The following UPP2 variants were observed in gnomAD, a reference collection of about 807,000 sequenced individuals.
The protein encoded by UPP2 is uridine phosphorylase 2, also known as UPase 2.
In UPP2, 23 loss-of-function variants were observed where a neutral mutation model predicts 26.7. That is an observed-to-expected ratio of 0.86 (90% CI 0.62 to 1.22). The LOEUF (loss-of-function observed/expected upper bound fraction) is 1.22, where lower values mean the gene tolerates loss of function less well. Among genes scored for constraint, UPP2 ranks in the 50% most tolerant of loss-of-function variants. UPP2 has a pLI of 0.00. For missense variants in UPP2, 387 were observed against 396.7 expected, an observed-to-expected ratio of 0.98 and a Z score of 0.21; for synonymous variants, 127 against 141.3, an observed-to-expected ratio of 0.90 and a Z score of 0.72.
intron 6 of UPP2, among the ~76,000 whole-genome samples, chr2:158,133,551 T>C (rs1035070309): frequency 3.9e-5 from 6 of 152,206 alleles, no homozygotes; most frequent in Admixed American, 2.6e-4. Context: ...TAAGAGATGA[T>C]AGATATGTGA....
intron 2 of UPP2, among the ~76,000 whole-genome samples, chr2:158,009,053 C>T (rs544703604): frequency 6.6e-6 from 1 of 152,124 alleles, no homozygotes; most frequent in East Asian, 1.9e-4. Flanking sequence ...ATGATGGTCT[C>T]CTGAAATGCT....
intron 3 of UPP2, among the ~76,000 whole-genome samples, chr2:158,038,621 G>T (rs1366496356): frequency 6.6e-6 from 1 of 152,216 alleles, no homozygotes; most frequent in Non-Finnish European, 1.5e-5. Context: ...TGCAGAGAAA[G>T]AAAAGAGTTT....
At chr2:158,101,871 A>G, upstream of UPP2, 1 of 1,344,104 alleles carries the variant, frequency 7.4e-7, no homozygotes, top group Non-Finnish European at 9.5e-7. Context: ...GACATCTTTT[A>G]TTTGATAGGA....
chr2:158,107,536 C>T (rs949087959), intron 2 of UPP2, among the ~76,000 whole-genome samples: 3 of 151,970 alleles, frequency 2.0e-5, no homozygotes, highest in African/African-American at 7.3e-5. Context: ...CAGGATAGTC[C>T]ATAATTATTT....
At position 158,115,208 on chromosome 2, in the gene UPP2, TG is replaced by T; in HGVS notation, c.291del (p.Thr98GlnfsTer54). ...AEEDIKDICAGTDRYCMYKTG... is the reference protein window; with the variant it reads ...AEEDIKDICAXTDRYCMYKTG... ...AAGAAGACATAAAAGACATCTGTGC[TG>T]GGACAGACAGATACTGTATGTACAA... On this transcript the variant is annotated frameshift_variant, in exon 3 of 7. Coordinates refer to ENST00000005756, the MANE Select transcript of UPP2 (RefSeq NM_173355.4). LOFTEE classifies it high-confidence loss of function. 2 of 1,613,700 alleles carry T rather than the reference TG, an allele frequency of 1.2e-6. No homozygotes were observed. The highest frequency in any genetic ancestry group is 1.7e-6 in the Non-Finnish European group (2 of 1,179,832).
chr2:158,112,940 T>C (rs1220132036), intron 2 of UPP2, among the ~76,000 whole-genome samples: 2 of 152,328 alleles, frequency 1.3e-5, no homozygotes, highest in East Asian at 3.9e-4. Flanking sequence ...ACCAGGACAA[T>C]TGATCATTTT....
At chr2:158,033,948 G>A (rs1683963371) in intron 3 of UPP2, among the ~76,000 whole-genome samples, 1 of 151,574 alleles carries the variant, frequency 6.6e-6, no homozygotes, top group African/African-American at 2.4e-5. Flanking sequence ...TGTTTTGAGA[G>A]TGGACAGTAC....
In UPP2 at chr2:158,095,541, C is replaced by G. The variant is rs1290234213; in HGVS notation, c.148-6499C>G. Among the ~76,000 whole-genome samples, 8 of 152,126 alleles carry G rather than the reference C, an allele frequency of 5.3e-5. No homozygotes were observed. In the East Asian group the frequency reaches 1.5e-3, roughly 29 times the overall value. On this transcript the variant is annotated intron_variant, in intron 3 of 9. Coordinates refer to the UPP2 transcript ENST00000605860. Reference sequence around the variant, plus strand: ...CCAGAAGCAGAGTAGAAAGAGTTTTCATGGTTTTGTGGCTGCACAGATCTA... The same window carrying G: ...CCAGAAGCAGAGTAGAAAGAGTTTTGATGGTTTTGTGGCTGCACAGATCTA...
chr2:158,104,893 C>T (rs544606943), intron 1 of UPP2, among the ~76,000 whole-genome samples: 1 of 144,372 alleles, frequency 6.9e-6, no homozygotes, highest in East Asian at 2.1e-4. Context: ...TGCACTCCAG[C>T]CTGGGTGACA....
chr2:158,121,659 C>A, intron 5 of UPP2, 41 bp downstream of exon 5: 1 of 1,542,596 alleles, frequency 6.5e-7, no homozygotes, highest in Non-Finnish European at 8.9e-7. Flanking sequence ...CAGAAAAATG[C>A]CAGCAACTCT....
intron 3 of UPP2, among the ~76,000 whole-genome samples, chr2:158,044,847 C>G (rs1020521686): frequency 6.6e-6 from 1 of 152,156 alleles, no homozygotes; most frequent in Non-Finnish European, 1.5e-5. Flanking sequence ...TTAGTCCCTA[C>G]CAATCACAGC....
chr2:158,024,948 T>G (rs905237866), intron 3 of UPP2, among the ~76,000 whole-genome samples: 3 of 152,132 alleles, frequency 2.0e-5, no homozygotes, highest in African/African-American at 7.2e-5. Flanking sequence ...ACACCTGTAA[T>G]CCCAGCATTT....
At chr2:158,041,658 A>AG (rs1684082800) in intron 3 of UPP2, among the ~76,000 whole-genome samples, 1 of 152,238 alleles carries the variant, frequency 6.6e-6, no homozygotes, top group Non-Finnish European at 1.5e-5. Context: ...TGCCAGTGTG[A>AG]GGGTAGACAA....
At chr2:158,127,113 C>G (rs1163769132) in intron 6 of UPP2, among the ~76,000 whole-genome samples, 1 of 152,192 alleles carries the variant, frequency 6.6e-6, no homozygotes, top group Non-Finnish European at 1.5e-5. Flanking sequence ...GGCCTTGGGT[C>G]CACGTGGATT....
chr2:158,043,913 C>T (rs1558912840), intron 3 of UPP2, among the ~76,000 whole-genome samples: 1 of 152,170 alleles, frequency 6.6e-6, no homozygotes, highest in South Asian at 2.1e-4. Context: ...ACTTAGTCAC[C>T]AGGAGGCTCC....
At chr2:158,006,374 C>T (rs1683487995) in intron 2 of UPP2, among the ~76,000 whole-genome samples, 1 of 148,214 alleles carries the variant, frequency 6.7e-6, no homozygotes. Context: ...GAGGCTGAGG[C>T]AGGAGAATGG....
rs185678832 is a variant in UPP2, at chr2:158,020,922, G to A, written c.147+5036G>A. Among the ~76,000 whole-genome samples the A allele has an allele frequency of 5.0e-4, 76 of 152,292 alleles. No individual in the cohort carries two copies. The East Asian group carries it at 0.011, about 23-fold the overall frequency. On this transcript the variant is annotated intron_variant, in intron 3 of 9. Transcript: ENST00000605860. ...ACTCCAGGAAAATTGTTAGTGCAATGGAAAATGAAAACAGATGCATGGCTT... is the reference window on the plus strand; with the variant it reads ...ACTCCAGGAAAATTGTTAGTGCAATAGAAAATGAAAACAGATGCATGGCTT...
chr2:158,123,246 A>C (rs932327691), intron 5 of UPP2, among the ~76,000 whole-genome samples: 13 of 152,294 alleles, frequency 8.5e-5, no homozygotes, highest in African/African-American at 2.9e-4. Flanking sequence ...GTGCAGCCTG[A>C]GAAGTGTGCG....
chr2:158,119,484 G>A (rs1447712347), intron 4 of UPP2, among the ~76,000 whole-genome samples: 3 of 151,910 alleles, frequency 2.0e-5, no homozygotes, highest in African/African-American at 4.8e-5. Context: ...CAGTATTGTC[G>A]CTCACATGAT....
Sources: gnomAD v4.1 joint callset for allele counts (sites outside exome capture counted in the v4.1 genomes callset) on GRCh38, gnomAD v4.1.1 for gene constraint, MANE v1.5 for transcripts, NCBI Gene and HGNC (gene_info 2026-07-23, HGNC 2026-07-21) for gene names.